Variants in MYLK3 observed in about 807,000 individuals in gnomAD.
MYLK3 encodes MLC kinase.
In MYLK3, 55 loss-of-function variants were observed where a neutral mutation model predicts 76.3. That is an observed-to-expected ratio of 0.72 (90% confidence interval 0.58 to 0.90). The LOEUF is 0.90. MYLK3 is among the 40% of genes least tolerant of loss of function. The pLI, the probability that MYLK3 is intolerant of heterozygous loss-of-function variation, is 0.00. For synonymous variants in MYLK3, 416 were observed against 425.4 expected (o/e 0.98, Z 0.27); for missense variants, 973 against 1,053.6 (o/e 0.92, Z 1.06).
At chr16:46,747,226 C>T (rs1967043397) in intron 1 of MYLK3, among the ~76,000 whole-genome samples, 1 of 152,232 alleles carries the variant, frequency 6.6e-6, no homozygotes, top group South Asian at 2.1e-4. Flanking sequence ...CCCCCTGGGT[C>T]ACTGTCAACA....
Position 46,703,088 on chromosome 16 carries a change from A to G in MYLK3, c.*4616T>C, listed in dbSNP as rs1048325066. ...CATATCCTACGGTTTTTTAATGCAC[A>G]TATAAGCATATGTCTCTTCACAAAT... On this transcript the variant is annotated 3_prime_UTR_variant, in exon 13 of 13. Transcript: ENST00000394809. Among the ~76,000 whole-genome samples, 8 of 152,210 alleles carry G rather than the reference A, an allele frequency of 5.3e-5. No homozygotes were observed. Among genetic ancestry groups the G allele is most frequent in the Non-Finnish European group, 1.2e-4 (8 of 68,034 alleles).
chr16:46,707,798 G>C, intron 12 of MYLK3, 35 bp from the exon 13 acceptor site: 2 of 1,537,306 alleles, frequency 1.3e-6, no homozygotes. Flanking sequence ...AAAAGAAAAA[G>C]CATGTATTTT....
Position 46,702,985 on chromosome 16 carries a change from G to T in MYLK3, c.*4719C>A, listed in dbSNP as rs1461762808. On this transcript the variant is annotated 3_prime_UTR_variant, in exon 13 of 13. Coordinates refer to ENST00000394809, the MANE Select transcript of MYLK3 (RefSeq NM_182493.3). ...AAAAAAAAAAAAAAAGATTCAAAAG[G>T]TTCAGAAAGATAAATGAAAAGTGGA... Among the ~76,000 whole-genome samples, 1 of 147,316 alleles carries T rather than the reference G, an allele frequency of 6.8e-6. No individual in the cohort carries two copies. Among genetic ancestry groups the T allele is most frequent in the Non-Finnish European group, 1.5e-5 (1 of 66,808 alleles).
chr16:46,709,693 A>T (rs1208556186), intron 11 of MYLK3, 22 bp from the exon 12 acceptor site: 2 of 1,606,150 alleles, frequency 1.2e-6, no homozygotes, highest in Admixed American at 3.5e-5. Flanking sequence ...AAGAGCAGTT[A>T]AGACTTTTAG....
At chr16:46,735,237 G>A (rs1379400637) in intron 3 of MYLK3, among the ~76,000 whole-genome samples, 1 of 152,010 alleles carries the variant, frequency 6.6e-6, no homozygotes, top group African/African-American at 2.4e-5. Flanking sequence ...CAAAGTCTCG[G>A]TCTTGTCCCC....
chr16:46,722,068 G>A (rs908712248), intron 8 of MYLK3, among the ~76,000 whole-genome samples: 2 of 152,094 alleles, frequency 1.3e-5, no homozygotes, highest in African/African-American at 2.4e-5. Context: ...GCCTTGGCAC[G>A]CCTCTCCTCT....
intron 1 of MYLK3, among the ~76,000 whole-genome samples, chr16:46,758,515 G>C (rs924934181): frequency 6.6e-6 from 1 of 152,148 alleles, no homozygotes; most frequent in African/African-American, 2.4e-5. Flanking sequence ...ATTTCACAGA[G>C]GAGGAGCAAC....
At chr16:46,746,705 A>G (rs756456347) in intron 1 of MYLK3, among the ~76,000 whole-genome samples, 34 of 152,326 alleles carry the variant, frequency 2.2e-4, no homozygotes, top group Middle Eastern at 6.8e-3. Flanking sequence ...GATTACAGGC[A>G]TCAGCCACTG....
intron 1 of MYLK3, 86 bp from the exon 2 acceptor site, chr16:46,740,233 T>TC: frequency 9.5e-7 from 1 of 1,048,022 alleles, no homozygotes; most frequent in Non-Finnish European, 1.5e-6. Context: ...CTCCCCCTTG[T>TC]TTAAGATAAG....
intron 10 of MYLK3, chr16:46,711,672 T>C (rs959697347): frequency 2.3e-6 from 1 of 435,586 alleles, no homozygotes; most frequent in African/African-American, 2.0e-5. Flanking sequence ...CAGCTCCATT[T>C]GTACCAAAGC....
chr16:46,730,909 C>T (rs769328425), intron 4 of MYLK3, among the ~76,000 whole-genome samples: 20 of 152,310 alleles, frequency 1.3e-4, no homozygotes, highest in Middle Eastern at 3.4e-3. Flanking sequence ...CCAGGTCTCC[C>T]GGCACCCAGG....
At chr16:46,744,897 G>A (rs908581962) in intron 1 of MYLK3, among the ~76,000 whole-genome samples, 23 of 151,804 alleles carry the variant, frequency 1.5e-4, no homozygotes, top group African/African-American at 5.3e-4. Context: ...TCAAGATTAT[G>A]TTTTTTAAAA....
chr16:46,721,088 AATTTTGTTAAGGT>A lies in MYLK3; in HGVS notation c.1985+22_1985+34del, dbSNP rs764926720. On this transcript the variant is annotated intron_variant, in intron 9 of 12. Transcript: ENST00000394809. ...CAGAGAGCCACAAAGAGTCCCAAGG[AATTTTGTTAAGGT>A]ATCTAAATAAAACCCCCTTACCTTC... 6.9e-6 allele frequency: 11 copies of A among 1,587,188 alleles called. No individual in the cohort carries two copies. In the Admixed American group the frequency reaches 1.2e-4, roughly 17 times the overall value.
rs2143017255 is a variant in MYLK3 at position 46,748,152 on chromosome 16, C to T, written c.42G>A (p.Leu14=). 1 of 1,614,078 alleles carries T rather than the reference C, an allele frequency of 6.2e-7. No homozygotes were observed. The highest frequency in any genetic ancestry group is 8.5e-7 in the Non-Finnish European group (1 of 1,179,978). Residue 14 remains leucine, a synonymous_variant, in exon 1 of 13, where the codon CTG becomes CTA. Transcript: ENST00000394809. The surrounding 1 kb of genome is among the most constrained non-coding windows in gnomAD (Gnocchi z 4.3). ...TTAAGCAGGTCTTGCCCAACCCTGG[C>T]AGCCCCCCATGCCCCAGACTCTCCT... ...TSKESLGHGG[L]PGLGKTCLTT... is the part of the protein sequence containing the mutation.
chr16:46,709,026 T>C (rs371701456), intron 12 of MYLK3, among the ~76,000 whole-genome samples: 1 of 152,190 alleles, frequency 6.6e-6, no homozygotes, highest in Non-Finnish European at 1.5e-5. Flanking sequence ...ATGCCAGTTA[T>C]TTTTGCTCTG....
In MYLK3 at chr16:46,729,136, TG is replaced by T. The variant is rs1442576689; in HGVS notation, c.1663-4del. 1 of 1,611,602 alleles carries T rather than the reference TG, an allele frequency of 6.2e-7. No individual in the cohort carries two copies. The highest frequency in any genetic ancestry group is 1.1e-5 in the South Asian group (1 of 91,054). ...TTGATCTCGTTCTTCACGTCCTCCT[TG>T]GGGGAACCAGAGGACAGAAGGATTT... On this transcript the variant is annotated splice_polypyrimidine_tract_variant and splice_region_variant and intron_variant, in intron 6 of 12. Coordinates refer to ENST00000394809, the MANE Select transcript of MYLK3 (RefSeq NM_182493.3).
intron 3 of MYLK3, 30 bp downstream of exon 3, chr16:46,737,681 C>T: frequency 6.4e-7 from 1 of 1,565,770 alleles, no homozygotes; most frequent in Non-Finnish European, 8.7e-7. Flanking sequence ...CCATCCCCTC[C>T]CTCACCCAGC....
At chr16:46,736,251 G>A (rs975152723) in intron 3 of MYLK3, among the ~76,000 whole-genome samples, 33 of 152,254 alleles carry the variant, frequency 2.2e-4, no homozygotes, top group Non-Finnish European at 4.7e-4. Context: ...AGGCTCAAGC[G>A]ATCCTCCCGC....
intron 8 of MYLK3, among the ~76,000 whole-genome samples, chr16:46,724,746 G>A (rs1005743523): frequency 6.6e-6 from 1 of 152,122 alleles, no homozygotes; most frequent in African/African-American, 2.4e-5. Flanking sequence ...CTCCAAATTC[G>A]TTCTTTTTCA....
Sources: allele counts gnomAD v4.1 joint callset (sites outside exome capture counted in the v4.1 genomes callset), GRCh38; gene constraint gnomAD v4.1.1; non-coding constraint Gnocchi (gnomAD v3.1); transcripts MANE v1.5; gene names NCBI Gene and HGNC (gene_info 2026-07-23, HGNC 2026-07-21).